The following VWA3B variants were observed in gnomAD, a reference collection of about 807,000 sequenced individuals.
VWA3B encodes von Willebrand factor A domain containing 3B, also known as von Willebrand factor A domain-containing protein 3B.
Under a neutral mutation model 158.3 loss-of-function variants are expected in VWA3B, and 138 were observed. The ratio of observed to expected loss-of-function variants is 0.87; its 90% CI spans 0.76 to 1.00. The LOEUF (loss-of-function observed/expected upper bound fraction) is 1.00, where lower values mean the gene tolerates loss of function less well. VWA3B is among the 50% of genes least tolerant of loss of function. The pLI is 0.00. For synonymous variants in VWA3B, 596 were observed against 587.3 expected (o/e 1.01, Z -0.21); for missense variants, 1,555 against 1,565.1 (o/e 0.99, Z 0.11).
chr2:98,289,695 T>C (rs1689375463), intron 22 of VWA3B, among the ~76,000 whole-genome samples: 2 of 152,192 alleles, frequency 1.3e-5, no homozygotes, highest in Non-Finnish European at 2.9e-5. Flanking sequence ...CTCTCTCAAA[T>C]TTGCTAGTGG....
At chr2:98,287,070 A>C (rs1256687293) in intron 22 of VWA3B, among the ~76,000 whole-genome samples, 3 of 152,180 alleles carry the variant, frequency 2.0e-5, no homozygotes. Context: ...GCACTGCCAC[A>C]GGATTGCTTG....
downstream of VWA3B, among the ~76,000 whole-genome samples, chr2:98,314,159 G>A (rs901097944): frequency 7.9e-5 from 12 of 152,174 alleles, no homozygotes; most frequent in African/African-American, 2.2e-4. Flanking sequence ...AACACAGCCC[G>A]GCAGCCTCTG....
At chr2:98,267,947 G>A (rs1170947169) in intron 21 of VWA3B, among the ~76,000 whole-genome samples, 1 of 152,052 alleles carries the variant, frequency 6.6e-6, no homozygotes, top group African/African-American at 2.4e-5. Context: ...TAGAAGAAAT[G>A]GATAAATTCC....
intron 2 of VWA3B, among the ~76,000 whole-genome samples, chr2:98,111,133 A>T (rs941653569): frequency 6.6e-6 from 1 of 152,136 alleles, no homozygotes; most frequent in Admixed American, 6.6e-5. Flanking sequence ...TGGATTCTCC[A>T]GTGTCTATTT....
chr2:98,237,511 C>G (rs1685782575), intron 19 of VWA3B, among the ~76,000 whole-genome samples: 1 of 152,164 alleles, frequency 6.6e-6, no homozygotes, highest in Admixed American at 6.5e-5. Flanking sequence ...AGGAGAAAAA[C>G]AGCTTCCAAT....
At chr2:98,187,585 C>T (rs992248267) in intron 9 of VWA3B, among the ~76,000 whole-genome samples, 1 of 151,926 alleles carries the variant, frequency 6.6e-6, no homozygotes, top group South Asian at 2.1e-4. Flanking sequence ...CTGTCTCAAC[C>T]CAGTGCCAGG....
chr2:98,135,142 G>A (rs1270938226), intron 7 of VWA3B, among the ~76,000 whole-genome samples: 1 of 152,150 alleles, frequency 6.6e-6, no homozygotes, highest in Non-Finnish European at 1.5e-5. Flanking sequence ...TCACGGCAAA[G>A]AATGTGAGAT....
intron 20 of VWA3B, among the ~76,000 whole-genome samples, chr2:98,252,272 T>C (rs1686847815): frequency 6.6e-6 from 1 of 152,166 alleles, no homozygotes; most frequent in Admixed American, 6.5e-5. Flanking sequence ...CATACCCTAT[T>C]CCTAGCAGGC....
intron 5 of VWA3B, among the ~76,000 whole-genome samples, chr2:98,127,774 G>A (rs1251853243): frequency 1.3e-5 from 2 of 152,166 alleles, no homozygotes; most frequent in Middle Eastern, 3.2e-3. Context: ...TGAGCCCAGA[G>A]GTGGAGCCAG....
At chr2:98,275,039 C>T (rs760425017) in intron 22 of VWA3B, among the ~76,000 whole-genome samples, 32 of 152,198 alleles carry the variant, frequency 2.1e-4, no homozygotes, top group Non-Finnish European at 3.2e-4. Context: ...AACCGTCTGC[C>T]ACGTGTTTGT....
chr2:98,251,672 C>T (rs755130385), intron 20 of VWA3B, among the ~76,000 whole-genome samples: 13 of 152,264 alleles, frequency 8.5e-5, no homozygotes, highest in East Asian at 3.9e-4. Context: ...CCCAGGCCAG[C>T]GTATGTTGGT....
intron 2 of VWA3B, among the ~76,000 whole-genome samples, chr2:98,096,344 C>T (rs1431298387): frequency 2.6e-5 from 4 of 152,036 alleles, no homozygotes; most frequent in South Asian, 2.1e-4. Flanking sequence ...TTTTGGCTCA[C>T]TGCAACCTCT....
At chr2:98,144,857 C>T (rs1361161399) in intron 7 of VWA3B, among the ~76,000 whole-genome samples, 4 of 152,064 alleles carry the variant, frequency 2.6e-5, no homozygotes, top group East Asian at 3.9e-4. Context: ...TGAGCCACCG[C>T]GTTATCCCCA....
chr2:98,172,929 A>C (rs1679717237), intron 8 of VWA3B, among the ~76,000 whole-genome samples: 1 of 152,236 alleles, frequency 6.6e-6, no homozygotes, highest in Non-Finnish European at 1.5e-5. Context: ...ATATAGACAT[A>C]TCAAGCAGGA....
rs141234121 is a variant in VWA3B, at chr2:98,133,993, G to A, written c.988+54G>A. The A allele has an allele frequency of 6.9e-6, 10 of 1,445,794 alleles. No individual in the cohort carries two copies. The East Asian group carries it at 9.1e-5, about 13-fold the overall frequency. The allele number at this position is 1,445,794 out of a possible 1,614,324, so 89.6% of individuals were successfully genotyped here. ...GCTTATGTCCCGAATAGCCTCAGAC[G>A]ACGTGGATCATTAGGAAGTAAAGTA... On this transcript the variant is annotated intron_variant, in intron 7 of 27. Transcript: ENST00000477737.
At chr2:98,230,000 T>G in intron 15 of VWA3B, 50 bp from the exon 16 acceptor site, 2 of 1,518,216 alleles carry the variant, frequency 1.3e-6, no homozygotes, top group Non-Finnish European at 8.8e-7. Flanking sequence ...TGATGGAAAT[T>G]TTCTTTTCTC....
intron 8 of VWA3B, among the ~76,000 whole-genome samples, chr2:98,168,512 G>T (rs1204990011): frequency 9.9e-5 from 15 of 151,862 alleles, no homozygotes; most frequent in Admixed American, 9.8e-4. Flanking sequence ...TTCATCATTG[G>T]CTAGCCATTC....
chr2:98,245,492 G>C (rs1200051342), intron 19 of VWA3B: 1 of 453,694 alleles, frequency 2.2e-6, no homozygotes, highest in East Asian at 7.0e-5. Context: ...CCCTGGATCT[G>C]CATGTGGAGA....
chr2:98,194,668 A>G (rs1681891896), intron 12 of VWA3B, among the ~76,000 whole-genome samples, 176 bp downstream of exon 12: 2 of 152,174 alleles, frequency 1.3e-5, no homozygotes, highest in Admixed American at 1.3e-4. Flanking sequence ...TCATTTTGTC[A>G]ATATCATAAG....
Sources: gnomAD v4.1 joint callset for allele counts (sites outside exome capture counted in the v4.1 genomes callset) on GRCh38, gnomAD v4.1.1 for gene constraint, MANE v1.5 for transcripts, NCBI Gene and HGNC (gene_info 2026-07-23, HGNC 2026-07-21) for gene names.